Variants in VAMP3 observed in about 807,000 individuals in gnomAD.
VAMP3 encodes vesicle-associated membrane protein 3.
A neutral mutation model predicts 18.1 loss-of-function variants in VAMP3; 11 were observed. The observed-to-expected ratio is 0.61, with a 90% CI of 0.38 to 1.00. The LOEUF (loss-of-function observed/expected upper bound fraction) is 1.00. Ranked by LOEUF, VAMP3 falls within the 50% of genes least tolerant of loss-of-function variation. The probability of loss-of-function intolerance (pLI) is 0.01; values close to 1 mark genes in which losing one functional copy is unlikely to be tolerated. For synonymous variants in VAMP3, 49 were observed against 43.1 expected, an observed-to-expected ratio of 1.14 and a Z score of -0.53; for missense variants, 122 against 127.3, an observed-to-expected ratio of 0.96 and a Z score of 0.20.
At chr1:7,779,176 CAG>C (rs2097055839) in intron 4 of VAMP3, among the ~76,000 whole-genome samples, 1 of 151,994 alleles carries the variant, frequency 6.6e-6, no homozygotes, top group Non-Finnish European at 1.5e-5. Flanking sequence ...GCCTAGGTGA[CAG>C]AGCAAGTCTC....
In VAMP3 at chr1:7,779,641, C is replaced by A. The variant is rs374611913; in HGVS notation, c.299C>A (p.Ser100Ter). ...IIIIIVWVVS[S>*] Reference sequence around the variant, plus strand: ...TCCTTCTTAGTGTGGGTTGTCTCTTCATGAAGAACCAGCGGAACTCAAAAC... The same window carrying A: ...TCCTTCTTAGTGTGGGTTGTCTCTTAATGAAGAACCAGCGGAACTCAAAAC... The change falls in exon 5 of 5, where the codon TCA becomes TAA. Residue 100 changes from serine to a stop codon, truncating the protein, a stop_gained. Transcript: ENST00000054666. LOFTEE classifies it high-confidence loss of function. The A allele has an allele frequency of 3.7e-6, 6 of 1,614,206 alleles. No homozygotes were observed. In the Admixed American group the frequency reaches 6.7e-5, roughly 18 times the overall value.
Position 7,771,336 on chromosome 1 carries a change from C to T in VAMP3, c.-48C>T, listed in dbSNP as rs760597584. 11 of 1,593,560 alleles carry T rather than the reference C, an allele frequency of 6.9e-6. No homozygotes were observed. The highest frequency in any genetic ancestry group is 7.7e-6 in the Non-Finnish European group (9 of 1,172,796). Reference sequence around the variant, plus strand: ...CTGGCCTCCGGTCCCAACTTCGCTTCTCTGCTGACCCTCTCTCGTCGCCGC... The same window carrying T: ...CTGGCCTCCGGTCCCAACTTCGCTTTTCTGCTGACCCTCTCTCGTCGCCGC... On this transcript the variant is annotated 5_prime_UTR_variant, in exon 1 of 5. Transcript: ENST00000054666.
intron 3 of VAMP3, among the ~76,000 whole-genome samples, chr1:7,777,901 G>A (rs2097055098): frequency 6.6e-6 from 1 of 152,212 alleles, no homozygotes; most frequent in Non-Finnish European, 1.5e-5. Flanking sequence ...TGCCTAGCTA[G>A]AGGCCACACA....
chr1:7,780,708 T>C lies in VAMP3; in HGVS notation c.*1063T>C, dbSNP rs986293424. Reference sequence around the variant, plus strand: ...ATCTGGCCCAAATATGAAGATAAACTATAACTTTGGAGTTTGTTTCCTATT... The same window carrying C: ...ATCTGGCCCAAATATGAAGATAAACCATAACTTTGGAGTTTGTTTCCTATT... On this transcript the variant is annotated 3_prime_UTR_variant, in exon 5 of 5. Coordinates refer to ENST00000054666, the MANE Select transcript of VAMP3 (RefSeq NM_004781.4). The C allele has an allele frequency of 6.6e-6, 1 of 152,328 alleles. No homozygotes were observed. Among genetic ancestry groups the C allele is most frequent in the African/African-American group, 2.4e-5 (1 of 41,472 alleles). 9.4% of individuals were successfully genotyped at this position (152,328 alleles called of 1,614,324 possible).
Position 7,777,145 on chromosome 1 carries a change from A to G in VAMP3, c.73-15A>G, listed in dbSNP as rs199513200. On this transcript the variant is annotated splice_polypyrimidine_tract_variant and intron_variant, in intron 2 of 4. Coordinates refer to ENST00000054666, the MANE Select transcript of VAMP3 (RefSeq NM_004781.4). ...CATTCTTTGTGCATTACTTGCTGTG[A>G]TCACACTCATCTAGGTGGTGGACAT... The G allele has an allele frequency of 5.1e-5, 82 of 1,597,450 alleles. No individual in the cohort carries two copies. The highest frequency in any genetic ancestry group is 6.8e-5 in the Non-Finnish European group (79 of 1,170,158).
intron 1 of VAMP3, chr1:7,772,972 TC>T (rs2097052009): frequency 6.5e-6 from 1 of 153,068 alleles, no homozygotes; most frequent in South Asian, 2.0e-4. Flanking sequence ...CACCACCCAC[TC>T]CCTGCATCCC....
rs772114634 is a variant in VAMP3 at position 7,771,333 on chromosome 1, C to T, written c.-51C>T. 3 of 1,594,566 alleles carry T rather than the reference C, an allele frequency of 1.9e-6. No individual in the cohort carries two copies. Among genetic ancestry groups the T allele is most frequent in the Non-Finnish European group, 1.7e-6 (2 of 1,173,116 alleles). Reference sequence around the variant, plus strand: ...TCCCTGGCCTCCGGTCCCAACTTCGCTTCTCTGCTGACCCTCTCTCGTCGC... The same window carrying T: ...TCCCTGGCCTCCGGTCCCAACTTCGTTTCTCTGCTGACCCTCTCTCGTCGC... On this transcript the variant is annotated 5_prime_UTR_variant, in exon 1 of 5. Coordinates refer to ENST00000054666, the MANE Select transcript of VAMP3 (RefSeq NM_004781.4).
Position 7,779,693 on chromosome 1 carries a change from T to C in VAMP3, c.*48T>C, listed in dbSNP as rs1416535808. ...GCTGTTCAAGAAACCTCTTCAAGACTTTTGACTTAGAACCTGCTATATTAT... is the reference window on the plus strand; with the variant it reads ...GCTGTTCAAGAAACCTCTTCAAGACCTTTGACTTAGAACCTGCTATATTAT... On this transcript the variant is annotated 3_prime_UTR_variant, in exon 5 of 5. Transcript: ENST00000054666. The C allele has an allele frequency of 1.9e-6, 3 of 1,613,326 alleles. No homozygotes were observed. Among genetic ancestry groups the C allele is most frequent in the Non-Finnish European group, 1.7e-6 (2 of 1,179,518 alleles).
At position 7,780,831 on chromosome 1, in the gene VAMP3, C is replaced by T. The variant is rs1310033424; in HGVS notation, c.*1186C>T. 2 of 152,360 alleles carry T rather than the reference C, an allele frequency of 1.3e-5. No homozygotes were observed. The highest frequency in any genetic ancestry group is 4.8e-5 in the African/African-American group (2 of 41,444). The allele number at this position is 152,360 out of a possible 1,614,324, so 9.4% of individuals were successfully genotyped here. Reference sequence around the variant, plus strand: ...GGCTCTTTTCACAGAGAGTAGCCAACCAGAGACCTTTGCTTTGATATCATC... The same window carrying T: ...GGCTCTTTTCACAGAGAGTAGCCAATCAGAGACCTTTGCTTTGATATCATC... On this transcript the variant is annotated 3_prime_UTR_variant, in exon 5 of 5. Coordinates refer to ENST00000054666, the MANE Select transcript of VAMP3 (RefSeq NM_004781.4).
At chr1:7,771,966 C>T (rs11582799) in intron 1 of VAMP3, among the ~76,000 whole-genome samples, 11,673 of 152,298 alleles carry the variant, frequency 0.077, 514 homozygotes, top group Middle Eastern at 0.2. Flanking sequence ...ACTCCCTCTT[C>T]CACCTCCATT....
chr1:7,773,608 C>A, intron 2 of VAMP3, 97 bp downstream of exon 2: 1 of 1,134,344 alleles, frequency 8.8e-7, no homozygotes, highest in Non-Finnish European at 1.3e-6. Flanking sequence ...GAATGTAAAG[C>A]AAATTCTGAC....
chr1:7,777,062 C>T (rs992020416), intron 2 of VAMP3, 98 bp from the exon 3 acceptor site: 18 of 1,391,860 alleles, frequency 1.3e-5, no homozygotes, highest in South Asian at 6.6e-5. Context: ...CCACCCACCT[C>T]GGCCTCCCAA....
intron 4 of VAMP3, 121 bp from the exon 5 acceptor site, chr1:7,779,505 A>G: frequency 7.1e-7 from 1 of 1,412,026 alleles, no homozygotes; most frequent in Non-Finnish European, 9.9e-7. Context: ...AGTAGTAGGA[A>G]ATCAGCCCAG....
intron 4 of VAMP3, among the ~76,000 whole-genome samples, chr1:7,778,690 T>C (rs971565409): frequency 6.6e-6 from 1 of 152,240 alleles, no homozygotes; most frequent in Admixed American, 6.5e-5. Flanking sequence ...TTTCTCTGAA[T>C]ATATTTTTTT....
intron 3 of VAMP3, 45 bp from the exon 4 acceptor site, chr1:7,778,073 T>G (rs2097055192): frequency 2.5e-6 from 4 of 1,604,438 alleles, no homozygotes; most frequent in Non-Finnish European, 3.4e-6. Flanking sequence ...ACAAGCACAT[T>G]ATGTCTGCAT....
intron 2 of VAMP3, among the ~76,000 whole-genome samples, chr1:7,775,759 A>C (rs539893190): frequency 2.0e-5 from 3 of 152,244 alleles, no homozygotes; most frequent in Non-Finnish European, 4.4e-5. Flanking sequence ...AGTCAAATCC[A>C]AAGTAATGAA....
rs151076608 is a variant in VAMP3, at chr1:7,774,918, C to G, written c.72+1407C>G. On this transcript the variant is annotated intron_variant, in intron 2 of 4. Coordinates refer to ENST00000054666, the MANE Select transcript of VAMP3 (RefSeq NM_004781.4). ...GGCTTTCATTTCTCTTGAATGTATA[C>G]CTAGGAGTAGCATTGCTAGGTCATA... 4.7e-3 allele frequency among the ~76,000 whole-genome samples: 723 copies of G among 152,260 alleles called. 9 individuals are homozygous for G. Among genetic ancestry groups the G allele is most frequent in the African/African-American group, 0.017 (702 of 41,534 alleles).
At position 7,780,223 on chromosome 1, in the gene VAMP3, A is replaced by G. The variant is rs1356845382; in HGVS notation, c.*578A>G. ...ATTTGAAGATGTTTACATTGTTGTT[A>G]TTGTTATGTATCACTTGCTAAAAAT... On this transcript the variant is annotated 3_prime_UTR_variant, in exon 5 of 5. Transcript: ENST00000054666. 4 of 152,922 alleles carry G rather than the reference A, an allele frequency of 2.6e-5. No individual in the cohort carries two copies. Among genetic ancestry groups the G allele is most frequent in the African/African-American group, 9.7e-5 (4 of 41,444 alleles). 9.5% of individuals were successfully genotyped at this position (152,922 alleles called of 1,614,324 possible).
chr1:7,772,328 T>A (rs186498582), intron 1 of VAMP3, among the ~76,000 whole-genome samples: 9 of 152,322 alleles, frequency 5.9e-5, no homozygotes, highest in Admixed American at 5.9e-4. Flanking sequence ...CCCTGGTCAT[T>A]GACACATGAC....
Sources: gnomAD v4.1 joint callset for allele counts (sites outside exome capture counted in the v4.1 genomes callset) on GRCh38, gnomAD v4.1.1 for gene constraint, MANE v1.5 for transcripts, NCBI Gene and HGNC (gene_info 2026-07-23, HGNC 2026-07-21) for gene names.